ALPK2: variants seen among roughly 807,000 people sequenced by gnomAD.
The protein encoded by ALPK2 is alpha-protein kinase 2.
ALPK2 carries 127 observed loss-of-function variants against 163.1 expected under a neutral mutation model. That is an observed-to-expected ratio of 0.78 (90% CI 0.67 to 0.90). ALPK2 has a LOEUF of 0.90. Among genes scored for constraint, ALPK2 ranks in the 40% least tolerant of loss-of-function variants. The pLI, the probability that ALPK2 is intolerant of heterozygous loss-of-function variation, is 0.00. For synonymous variants in ALPK2, 953 were observed against 959.1 expected (o/e 0.99, Z 0.12); for missense variants, 2,360 against 2,589.6 (o/e 0.91, Z 1.92).
intron 10 of ALPK2, among the ~76,000 whole-genome samples, chr18:58,506,845 G>A (rs116847428): frequency 4.9e-4 from 74 of 152,256 alleles, no homozygotes; most frequent in South Asian, 2.1e-3. Context: ...CTGTTTAGCC[G>A]CCTCCCTGGC....
At chr18:58,624,982 A>G (rs2144245589) in intron 1 of ALPK2, among the ~76,000 whole-genome samples, 1 of 152,272 alleles carries the variant, frequency 6.6e-6, no homozygotes, top group East Asian at 1.9e-4. Flanking sequence ...GAAGTGTGAA[A>G]AGCGTAGCCC....
chr18:58,619,659 G>C (rs578234461), intron 1 of ALPK2, among the ~76,000 whole-genome samples: 1 of 152,316 alleles, frequency 6.6e-6, no homozygotes, highest in Non-Finnish European at 1.5e-5. Context: ...AGCCAAATTT[G>C]TTTCAGCCTC....
chr18:58,606,023 A>C (rs2052096240), intron 3 of ALPK2, among the ~76,000 whole-genome samples: 1 of 152,244 alleles, frequency 6.6e-6, no homozygotes, highest in South Asian at 2.1e-4. Context: ...ATATGCTGTA[A>C]GTCAGATAAG....
intron 4 of ALPK2, among the ~76,000 whole-genome samples, chr18:58,563,448 G>A (rs1271379716): frequency 6.6e-6 from 1 of 152,188 alleles, no homozygotes; most frequent in African/African-American, 2.4e-5. Context: ...CCTTAGGTAA[G>A]AGTGAAAGAA....
chr18:58,495,119 G>A (rs1315947301), intron 12 of ALPK2, among the ~76,000 whole-genome samples: 3 of 152,130 alleles, frequency 2.0e-5, no homozygotes, highest in African/African-American at 7.2e-5. Context: ...CTCCAGAGGG[G>A]TTCCCAGGAG....
chr18:58,569,187 C>CA (rs1263171601), intron 4 of ALPK2, among the ~76,000 whole-genome samples: 1 of 152,230 alleles, frequency 6.6e-6, no homozygotes, highest in Non-Finnish European at 1.5e-5. Context: ...ACCTGGGTGA[C>CA]AGAGACCCAG....
chr18:58,511,159 G>T (rs2051488168), intron 10 of ALPK2, among the ~76,000 whole-genome samples: 1 of 152,066 alleles, frequency 6.6e-6, no homozygotes, highest in Non-Finnish European at 1.5e-5. Flanking sequence ...GGTTTTTGTT[G>T]TTGGTTCTGT....
At chr18:58,488,397 C>T (rs2051351446) in intron 12 of ALPK2, among the ~76,000 whole-genome samples, 1 of 147,728 alleles carries the variant, frequency 6.8e-6, no homozygotes. Flanking sequence ...CTTTCAGACT[C>T]ACACAGAAAT....
At chr18:58,529,262 C>A (rs763401232) in intron 5 of ALPK2, 24 bp from the exon 6 acceptor site, 5 of 1,599,372 alleles carry the variant, frequency 3.1e-6, no homozygotes, top group Non-Finnish European at 4.3e-6. Context: ...ATTTGAAGGT[C>A]AGTGTAACAA....
intron 10 of ALPK2, 74 bp from the exon 11 acceptor site, chr18:58,504,222 C>CT: frequency 7.9e-7 from 1 of 1,271,722 alleles, no homozygotes; most frequent in Non-Finnish European, 1.1e-6. Context: ...ATTCTACTCT[C>CT]TCCTGGAGCA....
At chr18:58,613,183 G>A (rs1277724713) in intron 1 of ALPK2, among the ~76,000 whole-genome samples, 1 of 152,180 alleles carries the variant, frequency 6.6e-6, no homozygotes, top group Non-Finnish European at 1.5e-5. Flanking sequence ...CCCGAGGACA[G>A]TTCAAGGTCT....
chr18:58,628,000 G>A (rs904170748), intron 1 of ALPK2, among the ~76,000 whole-genome samples: 7 of 152,150 alleles, frequency 4.6e-5, no homozygotes, highest in African/African-American at 9.7e-5. Context: ...TCTAAATGCC[G>A]TTCTTGCTTT....
intron 3 of ALPK2, 162 bp from the exon 4 acceptor site, chr18:58,580,710 C>G: frequency 4.3e-6 from 3 of 695,280 alleles, no homozygotes. Flanking sequence ...CAACTGACCT[C>G]TGGGCTCCGG....
chr18:58,543,055 G>A (rs1568080682), intron 4 of ALPK2, among the ~76,000 whole-genome samples: 1 of 152,162 alleles, frequency 6.6e-6, no homozygotes, highest in Non-Finnish European at 1.5e-5. Flanking sequence ...TGAATTAATG[G>A]GCTGAAGGAT....
intron 10 of ALPK2, among the ~76,000 whole-genome samples, chr18:58,511,096 GTGT>G (rs1315655287): frequency 1.3e-5 from 2 of 152,152 alleles, no homozygotes; most frequent in South Asian, 2.1e-4. Context: ...TTAGCATGAA[GTGT>G]TGTTGAATTT....
chr18:58,575,206 CA>C (rs536358887), intron 4 of ALPK2, among the ~76,000 whole-genome samples: 189 of 124,806 alleles, frequency 1.5e-3, no homozygotes, highest in African/African-American at 3.0e-3. Context: ...AACCTCGTTT[CA>C]AAAAAAAAAA....
chr18:58,625,266 G>C (rs1016391781), intron 1 of ALPK2, among the ~76,000 whole-genome samples: 1 of 151,936 alleles, frequency 6.6e-6, no homozygotes, highest in Non-Finnish European at 1.5e-5. Flanking sequence ...ACCCCCAGCA[G>C]CTAGACTGTA....
Position 58,481,349 on chromosome 18 carries a change from G to GT in ALPK2, c.*473dup, listed in dbSNP as rs1568061658. 1 of 168,658 alleles carries GT rather than the reference G, an allele frequency of 5.9e-6. No individual in the cohort carries two copies. The highest frequency in any genetic ancestry group is 2.4e-5 in the African/African-American group (1 of 41,718). The allele number at this position is 168,658 out of a possible 1,614,324, so 10.4% of individuals were successfully genotyped here. ...AGAACCCACCTCCGGCAACAATAGC[G>GT]TATTAGACACCAGTGGAACAACTTG... On this transcript the variant is annotated 3_prime_UTR_variant, in exon 13 of 13. Transcript: ENST00000361673.
intron 3 of ALPK2, among the ~76,000 whole-genome samples, chr18:58,588,317 T>C (rs998448971): frequency 6.6e-6 from 1 of 152,234 alleles, no homozygotes; most frequent in African/African-American, 2.4e-5. Context: ...ACTGCCATGA[T>C]TCATGCTAAG....
Sources: gnomAD v4.1 joint callset for allele counts (sites outside exome capture counted in the v4.1 genomes callset) on GRCh38, gnomAD v4.1.1 for gene constraint, MANE v1.5 for transcripts, NCBI Gene and HGNC (gene_info 2026-07-23, HGNC 2026-07-21) for gene names.